PARK7: variants seen among roughly 807,000 people sequenced by gnomAD.
The protein encoded by PARK7 is Parkinson disease protein 7.
PARK7 carries 14 observed loss-of-function variants against 20.5 expected under a neutral mutation model. That is an observed-to-expected ratio of 0.68 (90% CI 0.45 to 1.07). The LOEUF (loss-of-function observed/expected upper bound fraction) is 1.07. Among genes scored for constraint, PARK7 ranks in the 50% least tolerant of loss-of-function variants. The probability of loss-of-function intolerance (pLI) is 0.00; values close to 1 mark genes in which losing one functional copy is unlikely to be tolerated. For synonymous variants in PARK7, 98 were observed against 84.3 expected (o/e 1.16, Z -0.89); for missense variants, 234 against 238.1 (o/e 0.98, Z 0.11).
intron 5 of PARK7, among the ~76,000 whole-genome samples, chr1:7,972,919 T>C (rs1445799920): frequency 6.6e-6 from 1 of 152,084 alleles, no homozygotes; most frequent in African/African-American, 2.4e-5. Flanking sequence ...GGTATGGTGA[T>C]GCATTCCTGT....
intron 2 of PARK7, among the ~76,000 whole-genome samples, chr1:7,964,411 A>G (rs1640283097): frequency 6.6e-6 from 1 of 151,704 alleles, no homozygotes; most frequent in Admixed American, 6.6e-5. Flanking sequence ...TTAACCCTAT[A>G]CTCCTCTGGT....
At chr1:7,971,191 T>C in intron 5 of PARK7, 2 of 587,762 alleles carry the variant, frequency 3.4e-6, no homozygotes, top group African/African-American at 1.9e-5. Flanking sequence ...AACTTAGTGT[T>C]TTCCGTGTTT....
At chr1:7,982,043 C>G (rs1438591718) in intron 6 of PARK7, among the ~76,000 whole-genome samples, 1 of 133,296 alleles carries the variant, frequency 7.5e-6, no homozygotes, top group Non-Finnish European at 1.6e-5. Context: ...TGACGCATCT[C>G]GGCTCACTGC....
chr1:7,966,525 T>C (rs992916727), intron 3 of PARK7, among the ~76,000 whole-genome samples: 5 of 151,814 alleles, frequency 3.3e-5, no homozygotes, highest in Non-Finnish European at 7.4e-5. Context: ...GCGAGACCGT[T>C]TCTCTTTAAA....
In PARK7 at chr1:7,984,790, A is replaced by G. The variant is rs1450158764; in HGVS notation, c.410-104A>G. 12 of 1,358,404 alleles carry G rather than the reference A, an allele frequency of 8.8e-6. No individual in the cohort carries two copies. Among genetic ancestry groups the G allele is most frequent in the South Asian group, 5.9e-5 (5 of 85,078 alleles). 84.1% of individuals were successfully genotyped at this position (1,358,404 alleles called of 1,614,324 possible). A position where few individuals can be genotyped will look rare whatever the true frequency, so the allele number is the denominator to read the frequency against. ...TAAATGTTTTTGAATGGTTAGCTAC[A>G]GTGTTGGGTTTATATGCTGTAATAG... On this transcript the variant is annotated intron_variant, in intron 6 of 6. Transcript: ENST00000338639. This position sits in a 1 kb window ranked among gnomAD's most constrained non-coding sequence, Gnocchi z 4.3.
chr1:7,972,649 A>G (rs572980057), intron 5 of PARK7, among the ~76,000 whole-genome samples: 3 of 152,340 alleles, frequency 2.0e-5, no homozygotes, highest in Non-Finnish European at 4.4e-5. Context: ...CATGCCTGTA[A>G]TCTCAGCACT....
intron 6 of PARK7, among the ~76,000 whole-genome samples, chr1:7,979,807 TTTTA>T (rs1260891728): frequency 2.0e-5 from 3 of 152,252 alleles, no homozygotes; most frequent in African/African-American, 7.2e-5. Flanking sequence ...CCGCTCATGG[TTTTA>T]TTTTAGTTGC....
chr1:7,981,286 A>G (rs1228748462), intron 6 of PARK7, among the ~76,000 whole-genome samples: 1 of 152,166 alleles, frequency 6.6e-6, no homozygotes, highest in African/African-American at 2.4e-5. Flanking sequence ...TCCCTCACCT[A>G]GCTTCTGTAA....
chr1:7,962,479 T>C (rs1640228002), intron 1 of PARK7, among the ~76,000 whole-genome samples: 1 of 152,168 alleles, frequency 6.6e-6, no homozygotes, highest in Non-Finnish European at 1.5e-5. Flanking sequence ...ATTTGCAACA[T>C]ACTATTAAAG....
chr1:7,977,016 G>T (rs576467355), intron 5 of PARK7, among the ~76,000 whole-genome samples: 5 of 152,270 alleles, frequency 3.3e-5, no homozygotes, highest in African/African-American at 1.2e-4. Context: ...CACCGTGCCC[G>T]GCCTAATTTC....
chr1:7,971,170 A>G (rs1443817782), intron 5 of PARK7: 4 of 636,524 alleles, frequency 6.3e-6, no homozygotes, highest in African/African-American at 5.4e-5. Flanking sequence ...CCTTTGGTCT[A>G]CATGCTGTGA....
intron 6 of PARK7, among the ~76,000 whole-genome samples, chr1:7,979,141 A>T (rs1640658403): frequency 6.6e-6 from 1 of 152,200 alleles, no homozygotes; most frequent in South Asian, 2.1e-4. Flanking sequence ...CTTGTAAACC[A>T]TGCCATAATG....
chr1:7,971,205 T>A, intron 5 of PARK7: 1 of 555,746 alleles, frequency 1.8e-6, no homozygotes, highest in East Asian at 3.2e-5. Flanking sequence ...CGTGTTTGGT[T>A]GACCTCGGAG....
intron 4 of PARK7, among the ~76,000 whole-genome samples, chr1:7,969,820 C>T (rs984582571): frequency 9.9e-5 from 15 of 152,080 alleles, no homozygotes; most frequent in East Asian, 3.9e-4. Flanking sequence ...CCTCGTGATC[C>T]GCCCACCTCG....
rs1192266841 is a variant in PARK7, at chr1:7,969,296, C to T, written c.193-49C>T. ...ATTATTGGACTGTCAATTTAATGCA[C>T]AGTTGAAATGAAATGTTTTTGTTTT... On this transcript the variant is annotated intron_variant, in intron 3 of 6. Coordinates refer to ENST00000338639, the MANE Select transcript of PARK7 (RefSeq NM_007262.5). The T allele has an allele frequency of 3.5e-6, 5 of 1,446,230 alleles. No homozygotes were observed. In the African/African-American group the frequency reaches 4.2e-5, roughly 12 times the overall value. 89.6% of individuals were successfully genotyped at this position (1,446,230 alleles called of 1,614,324 possible).
At chr1:7,974,282 C>T (rs1640527618) in intron 5 of PARK7, among the ~76,000 whole-genome samples, 1 of 151,066 alleles carries the variant, frequency 6.6e-6, no homozygotes, top group African/African-American at 2.4e-5. Context: ...GTGGTGATCA[C>T]ACCACTGCAC....
At position 7,984,856 on chromosome 1, in the gene PARK7, C is replaced by T. The variant is rs778424794; in HGVS notation, c.410-38C>T. The T allele has an allele frequency of 2.5e-6, 4 of 1,610,578 alleles. No homozygotes were observed. In the East Asian group the frequency reaches 8.9e-5, roughly 36 times the overall value. Reference sequence around the variant, plus strand: ...AGTAATCGTCTTTCTCGTCACATAGCCCATTAGGATGTCACCTTTTCTGTT... The same window carrying T: ...AGTAATCGTCTTTCTCGTCACATAGTCCATTAGGATGTCACCTTTTCTGTT... On this transcript the variant is annotated intron_variant, in intron 6 of 6. Transcript: ENST00000338639. This position sits in a 1 kb window ranked among gnomAD's most constrained non-coding sequence, Gnocchi z 4.3.
chr1:7,970,839 G>A lies in PARK7; in HGVS notation c.253-55G>A, dbSNP rs1364351135. 4 of 1,558,012 alleles carry A rather than the reference G, an allele frequency of 2.6e-6. No individual in the cohort carries two copies. In the African/African-American group the frequency reaches 4.1e-5, roughly 16 times the overall value. On this transcript the variant is annotated intron_variant, in intron 4 of 6. Coordinates refer to ENST00000338639, the MANE Select transcript of PARK7 (RefSeq NM_007262.5). The stretch of plus-strand genomic sequence containing the variant: ...ATTCTTCCAAAGTTTCCTAGTGAGT[G>A]ATTGGTTAGTGGCTTAATGATAACT...
intron 3 of PARK7, among the ~76,000 whole-genome samples, chr1:7,967,908 G>A (rs1273889278): frequency 6.6e-6 from 1 of 151,570 alleles, no homozygotes; most frequent in Non-Finnish European, 1.5e-5. Context: ...TGACAGAGGT[G>A]AGGGCTTCTC....
Sources: allele counts gnomAD v4.1 joint callset (sites outside exome capture counted in the v4.1 genomes callset), GRCh38; gene constraint gnomAD v4.1.1; non-coding constraint Gnocchi (gnomAD v3.1); transcripts MANE v1.5; gene names NCBI Gene and HGNC (gene_info 2026-07-23, HGNC 2026-07-21).